DSCAM: variants seen among roughly 807,000 people sequenced by gnomAD.
DSCAM encodes DS cell adhesion molecule.
DSCAM carries 47 observed loss-of-function variants against 217.7 expected under a neutral mutation model. The observed-to-expected ratio is 0.22, with a 90% CI of 0.17 to 0.28. DSCAM has a LOEUF of 0.28. DSCAM is among the 10% of genes least tolerant of loss of function. DSCAM has a pLI of 1.00. For missense variants in DSCAM, 2,080 were observed against 2,618.3 expected (o/e 0.79, Z 4.49); for synonymous variants, 1,056 against 1,015.3 (o/e 1.04, Z -0.76).
At chr21:40,340,673 AAAGAT>A (rs2074481789) in intron 6 of DSCAM, among the ~76,000 whole-genome samples, 1 of 152,216 alleles carries the variant, frequency 6.6e-6, no homozygotes, top group African/African-American at 2.4e-5. Flanking sequence ...TCCCATAATG[AAAGAT>A]AAGAATGAGT....
chr21:40,552,555 T>G (rs1171026095), intron 3 of DSCAM, among the ~76,000 whole-genome samples: 1 of 152,248 alleles, frequency 6.6e-6, no homozygotes, highest in African/African-American at 2.4e-5. Context: ...AAATCTTCTA[T>G]GTGTTAGAAA....
chr21:40,548,333 A>G (rs1252431929), intron 3 of DSCAM, among the ~76,000 whole-genome samples: 3 of 152,152 alleles, frequency 2.0e-5, no homozygotes, highest in East Asian at 3.9e-4. Context: ...ACTCCTCCCA[A>G]GGGGGTTCGG....
intron 32 of DSCAM, among the ~76,000 whole-genome samples, chr21:40,021,205 C>CAAAA (rs763435750): frequency 7.2e-4 from 61 of 84,968 alleles, no homozygotes; most frequent in African/African-American, 1.8e-3. Flanking sequence ...GACTCCGTCT[C>CAAAA]AAAAAAAAAA....
Position 40,085,715 on chromosome 21 carries a change from C to T in DSCAM, c.4019G>A (p.Ser1340Asn). The change falls in exon 23 of 33, where the codon AGC (serine) becomes AAC (asparagine). Residue 1340 changes from serine (S) to asparagine (N), a missense_variant. Physicochemically the swap from Ser to Asn is conservative, Grantham distance 46. This residue lies in a region of DSCAM where 1,144 missense variants were observed against 1,421.1 expected (regional missense o/e 0.81). Transcript: ENST00000400454. The stretch of plus-strand genomic sequence containing the variant: ...CGTGCGAATAATGAAGCTTCCGTTG[C>T]TAAAGATGCTCCTCCGCCCATCAAT... ...VTIDGRRSIFSNGSFIIRTVK... is the reference protein window; with the variant it reads ...VTIDGRRSIFNNGSFIIRTVK... 6.3e-7 allele frequency: 1 copy of T among 1,584,930 alleles called. No homozygotes were observed. The highest frequency in any genetic ancestry group is 1.1e-5 in the South Asian group (1 of 88,262).
rs748473586 is a variant in DSCAM at position 40,347,773 on chromosome 21, G to A, written c.1107C>T (p.Asn369=). 1.9e-6 allele frequency: 3 copies of A among 1,614,144 alleles called. No individual in the cohort carries two copies. The highest frequency in any genetic ancestry group is 1.1e-5 in the South Asian group (1 of 91,088). Residue 369 remains asparagine, a synonymous_variant, in exon 6 of 33, where the codon AAC becomes AAT. Transcript: ENST00000400454. ...TTTTGACCATGTGATCCATTATAAG[G>A]TTTTCGTGGTTGATCCCTGTGATCC... ...NVRITGINHE[N]LIMDHMVKSD... is the part of the protein sequence containing the mutation.
chr21:40,763,011 C>T (rs35412011), intron 1 of DSCAM, among the ~76,000 whole-genome samples: 44,659 of 152,024 alleles, frequency 0.29, 7,641 homozygotes, highest in East Asian at 0.4. Flanking sequence ...AAGCTGGAAG[C>T]GTTCCCTTTG....
At chr21:40,582,726 A>T (rs191320976) in intron 3 of DSCAM, among the ~76,000 whole-genome samples, 1 of 152,260 alleles carries the variant, frequency 6.6e-6, no homozygotes, top group African/African-American at 2.4e-5. Flanking sequence ...TTTTACTAAT[A>T]AGTACTTACT....
intron 14 of DSCAM, among the ~76,000 whole-genome samples, chr21:40,186,198 T>G (rs73904725): frequency 0.033 from 5,047 of 152,308 alleles, 289 homozygotes; most frequent in African/African-American, 0.11. Flanking sequence ...TTGCTCTTGC[T>G]GAAACATTTC....
intron 27 of DSCAM, among the ~76,000 whole-genome samples, chr21:40,067,805 G>T: frequency 7.4e-6 from 1 of 135,590 alleles, no homozygotes; most frequent in Non-Finnish European, 1.5e-5. Flanking sequence ...ATAATTCCTG[G>T]TCCACGTTTT....
At chr21:40,500,302 G>A (rs538709456) in intron 3 of DSCAM, among the ~76,000 whole-genome samples, 70 of 152,122 alleles carry the variant, frequency 4.6e-4, no homozygotes, top group African/African-American at 1.6e-3. Flanking sequence ...TTTATGTCTT[G>A]TTTTATGAGT....
In DSCAM at chr21:40,303,716, G is replaced by A. The variant is rs188688803; in HGVS notation, c.2063-7542C>T. ...TGAATGAAGTAAAATCATAGCATGA[G>A]AATTCTATCAAAAATTGGATCAACA... On this transcript the variant is annotated intron_variant, in intron 9 of 32. Transcript: ENST00000400454. Among the ~76,000 whole-genome samples, 12 of 152,232 alleles carry A rather than the reference G, an allele frequency of 7.9e-5. No homozygotes were observed. The East Asian group carries it at 1.9e-3, about 25-fold the overall frequency.
intron 1 of DSCAM, among the ~76,000 whole-genome samples, chr21:40,729,423 T>C (rs772821675): frequency 2.6e-4 from 39 of 152,336 alleles, no homozygotes; most frequent in Middle Eastern, 3.4e-3. Context: ...AAAACACCTT[T>C]GATCTAAACA....
chr21:40,124,234 G>A lies in DSCAM; in HGVS notation c.3657C>T (p.Ile1219=). 1.2e-6 allele frequency: 2 copies of A among 1,613,970 alleles called. No individual in the cohort carries two copies. The highest frequency in any genetic ancestry group is 1.1e-5 in the South Asian group (1 of 91,086). The change falls in exon 20 of 33, where the codon ATC becomes ATT. Residue 1219 remains isoleucine (I), a synonymous_variant. Transcript: ENST00000400454. The stretch of plus-strand genomic sequence containing the variant: ...GGGAGCAGAATACAGTGTACTTTCG[G>A]ATGATGCCGTTCAGCTTGAGAGGGG... The part of the protein sequence containing the change: ...WLPPLKLNGI[I]RKYTVFCSHP...
chr21:40,547,511 T>C lies in DSCAM; in HGVS notation c.508+145299A>G, dbSNP rs769177250. ...AAAACCTTAATGCACTGTTTGCACATTGAATCAAAAGAGGTTTGCATAATT... is the reference window on the plus strand; with the variant it reads ...AAAACCTTAATGCACTGTTTGCACACTGAATCAAAAGAGGTTTGCATAATT... On this transcript the variant is annotated intron_variant, in intron 3 of 32. Coordinates refer to ENST00000400454, the MANE Select transcript of DSCAM (RefSeq NM_001389.5). Among the ~76,000 whole-genome samples, 12 of 152,146 alleles carry C rather than the reference T, an allele frequency of 7.9e-5. No homozygotes were observed. In the South Asian group the frequency reaches 1.0e-3, roughly 13 times the overall value.
chr21:40,027,037 G>C (rs1314973403), intron 32 of DSCAM, among the ~76,000 whole-genome samples: 31 of 152,414 alleles, frequency 2.0e-4, no homozygotes, highest in Non-Finnish European at 3.8e-4. Flanking sequence ...TCCATGTTTA[G>C]TGCTTCCTTC....
chr21:40,586,260 T>G (rs1302383922), intron 3 of DSCAM, among the ~76,000 whole-genome samples: 2 of 152,208 alleles, frequency 1.3e-5, no homozygotes, highest in African/African-American at 2.4e-5. Flanking sequence ...CAAAAGCAGA[T>G]GCTGGCACCA....
intron 1 of DSCAM, among the ~76,000 whole-genome samples, chr21:40,723,807 A>G (rs1050608983): frequency 3.9e-5 from 6 of 152,206 alleles, no homozygotes; most frequent in African/African-American, 1.4e-4. Context: ...CTGAGGTGCT[A>G]TAAGAACACA....
At chr21:40,710,768 C>A (rs1188743071) in intron 1 of DSCAM, among the ~76,000 whole-genome samples, 1 of 152,186 alleles carries the variant, frequency 6.6e-6, no homozygotes, top group Admixed American at 6.5e-5. Flanking sequence ...GCCTACTTGT[C>A]ACACATCTGA....
intron 1 of DSCAM, among the ~76,000 whole-genome samples, chr21:40,714,379 A>C (rs189258537): frequency 1.4e-3 from 212 of 152,324 alleles, no homozygotes; most frequent in Non-Finnish European, 2.8e-3. Context: ...ACTGAGCCCA[A>C]GAGCCCAACA....
Sources: gnomAD v4.1 joint callset for allele counts (sites outside exome capture counted in the v4.1 genomes callset) on GRCh38, gnomAD v4.1.1 for gene constraint, gnomAD v4.1.1 regional missense constraint, MANE v1.5 for transcripts, NCBI Gene and HGNC (gene_info 2026-07-23, HGNC 2026-07-21) for gene names.